The following PAK5 variants were observed in gnomAD, a reference collection of about 807,000 sequenced individuals.
PAK5 encodes p21 (RAC1) activated kinase 5.
A neutral mutation model predicts 65.9 loss-of-function variants in PAK5; 16 were observed. The ratio of observed to expected loss-of-function variants is 0.24; its 90% CI spans 0.16 to 0.37. The LOEUF is 0.37. Among genes scored for constraint, PAK5 ranks in the 10% least tolerant of loss-of-function variants. The pLI is 1.00. For missense variants in PAK5, 785 were observed against 903.9 expected (o/e 0.87, Z 1.69); for synonymous variants, 371 against 354.9 (o/e 1.05, Z -0.51).
At chr20:9,832,166 C>T (rs1978773160) in intron 1 of PAK5, among the ~76,000 whole-genome samples, 1 of 151,762 alleles carries the variant, frequency 6.6e-6, no homozygotes, top group Non-Finnish European at 1.5e-5. Context: ...TATTATAATA[C>T]ACAATTTTAC....
intron 4 of PAK5, among the ~76,000 whole-genome samples, chr20:9,569,964 A>G (rs2045749121): frequency 1.3e-5 from 2 of 149,170 alleles, no homozygotes; most frequent in Admixed American, 6.6e-5. Context: ...GAGAGAACAC[A>G]TGCTTTTGAC....
At chr20:9,829,614 C>T (rs1978546956) in intron 1 of PAK5, among the ~76,000 whole-genome samples, 1 of 152,138 alleles carries the variant, frequency 6.6e-6, no homozygotes, top group African/African-American at 2.4e-5. Flanking sequence ...GCTAATTATG[C>T]ATGTGTGTCT....
chr20:9,755,323 T>A (rs1359227748), intron 1 of PAK5, among the ~76,000 whole-genome samples: 1 of 152,202 alleles, frequency 6.6e-6, no homozygotes, highest in Non-Finnish European at 1.5e-5. Context: ...AAATACACTT[T>A]GAAAACATCA....
intron 1 of PAK5, among the ~76,000 whole-genome samples, chr20:9,821,223 A>T (rs2049416877): frequency 6.6e-6 from 1 of 152,102 alleles, no homozygotes; most frequent in Non-Finnish European, 1.5e-5. Context: ...TCTACTAAAA[A>T]TACAAAATTT....
Position 9,627,895 on chromosome 20 carries a change from G to A in PAK5, c.204+16230C>T, listed in dbSNP as rs562152618. Among the ~76,000 whole-genome samples, 19 of 152,266 alleles carry A rather than the reference G, an allele frequency of 1.2e-4. No homozygotes were observed. In the South Asian group the frequency reaches 3.1e-3, roughly 25 times the overall value. On this transcript the variant is annotated intron_variant, in intron 3 of 9. Coordinates refer to ENST00000353224, the MANE Select transcript of PAK5 (RefSeq NM_177990.4). Reference sequence around the variant, plus strand: ...TCCTGCCTCTGCCTCCCAAAGTGCTGGGATTATAGGCATGAGCCATTGCGC... The same window carrying A: ...TCCTGCCTCTGCCTCCCAAAGTGCTAGGATTATAGGCATGAGCCATTGCGC...
chr20:9,691,589 T>C (rs2047798417), intron 2 of PAK5, among the ~76,000 whole-genome samples: 1 of 152,150 alleles, frequency 6.6e-6, no homozygotes, highest in Non-Finnish European at 1.5e-5. Flanking sequence ...GGACAAAAAT[T>C]TGTGAAGACA....
chr20:9,737,096 A>G (rs979877927), intron 1 of PAK5, among the ~76,000 whole-genome samples: 3 of 148,954 alleles, frequency 2.0e-5, no homozygotes, highest in African/African-American at 7.5e-5. Context: ...TTTTGAGACA[A>G]AAAAAAAAGC....
intron 4 of PAK5, among the ~76,000 whole-genome samples, chr20:9,571,766 C>G (rs981738404): frequency 6.6e-6 from 1 of 151,148 alleles, no homozygotes; most frequent in Non-Finnish European, 1.5e-5. Flanking sequence ...TTAAGTAGGT[C>G]ATGCAAAGAT....
chr20:9,757,794 A>T (rs2048652392), intron 1 of PAK5, among the ~76,000 whole-genome samples: 1 of 152,158 alleles, frequency 6.6e-6, no homozygotes, highest in South Asian at 2.1e-4. Context: ...TTAAACTTTT[A>T]CTTGAATTCT....
At chr20:9,555,958 C>T (rs1164878656) in intron 7 of PAK5, among the ~76,000 whole-genome samples, 1 of 152,158 alleles carries the variant, frequency 6.6e-6, no homozygotes, top group Non-Finnish European at 1.5e-5. Context: ...AAGGCTATCA[C>T]CATAGGCTGA....
At chr20:9,555,617 C>A (rs1488780514) in intron 7 of PAK5, among the ~76,000 whole-genome samples, 3 of 152,120 alleles carry the variant, frequency 2.0e-5, no homozygotes, top group Non-Finnish European at 4.4e-5. Flanking sequence ...TCATAGCTGT[C>A]CACTCATATG....
At chr20:9,581,351 G>A (rs1044816316) in intron 3 of PAK5, among the ~76,000 whole-genome samples, 15 of 152,014 alleles carry the variant, frequency 9.9e-5, no homozygotes, top group Non-Finnish European at 2.2e-4. Context: ...ATTTATTACT[G>A]TTTTACATTC....
chr20:9,722,438 C>T (rs2048226517), intron 1 of PAK5, among the ~76,000 whole-genome samples: 2 of 151,938 alleles, frequency 1.3e-5, no homozygotes, highest in South Asian at 4.2e-4. Flanking sequence ...TGGTGAAACC[C>T]CGTCTCTACT....
At chr20:9,792,860 G>A (rs2049064245) in intron 1 of PAK5, among the ~76,000 whole-genome samples, 2 of 152,230 alleles carry the variant, frequency 1.3e-5, no homozygotes, top group South Asian at 4.1e-4. Context: ...TAGGAATGAA[G>A]CAAGGATATG....
At chr20:9,593,128 C>T (rs988617082) in intron 3 of PAK5, among the ~76,000 whole-genome samples, 3 of 150,674 alleles carry the variant, frequency 2.0e-5, no homozygotes, top group Non-Finnish European at 3.0e-5. Context: ...AGCTAGATCC[C>T]TTTTTTTTTC....
intron 2 of PAK5, among the ~76,000 whole-genome samples, chr20:9,693,145 T>C (rs1285109000): frequency 6.6e-6 from 1 of 152,008 alleles, no homozygotes; most frequent in Admixed American, 6.6e-5. Flanking sequence ...GGATGGCAAA[T>C]AAGTCATTTA....
intron 3 of PAK5, 110 bp from the exon 4 acceptor site, chr20:9,581,040 CCCGGGA>C: frequency 1.4e-6 from 1 of 728,370 alleles, no homozygotes; most frequent in African/African-American, 1.8e-5. Context: ...GAAAAAAGAC[CCCGGGA>C]ACACTTAACA....
At chr20:9,787,617 GGAT>G (rs1198654495) in intron 1 of PAK5, among the ~76,000 whole-genome samples, 1 of 117,706 alleles carries the variant, frequency 8.5e-6, no homozygotes, top group African/African-American at 3.2e-5. Context: ...GCTATGAAAA[GGAT>G]GTGTGTGTGT....
intron 1 of PAK5, among the ~76,000 whole-genome samples, chr20:9,824,601 G>A (rs1464703910): frequency 6.6e-6 from 1 of 151,888 alleles, no homozygotes; most frequent in Non-Finnish European, 1.5e-5. Flanking sequence ...CCCTACCTGG[G>A]ATGCTGTCCC....
Sources: gnomAD v4.1 joint callset for allele counts (sites outside exome capture counted in the v4.1 genomes callset) on GRCh38, gnomAD v4.1.1 for gene constraint, MANE v1.5 for transcripts, NCBI Gene and HGNC (gene_info 2026-07-23, HGNC 2026-07-21) for gene names.